The following MYO7B variants were observed in gnomAD, a reference collection of about 807,000 sequenced individuals.
MYO7B encodes the protein myosin VIIB.
Under a neutral mutation model 259.7 loss-of-function variants are expected in MYO7B, and 212 were observed. That is an observed-to-expected ratio of 0.82 (90% CI 0.73 to 0.91). The LOEUF is 0.91. MYO7B is among the 40% of genes least tolerant of loss of function. MYO7B has a pLI of 0.00. For missense variants in MYO7B, 2,732 were observed against 2,813.5 expected (o/e 0.97, Z 0.66); for synonymous variants, 1,197 against 1,166.4 (o/e 1.03, Z -0.54).
intron 35 of MYO7B, among the ~76,000 whole-genome samples, chr2:127,630,093 C>T (rs908143414): frequency 6.6e-6 from 1 of 152,228 alleles, no homozygotes; most frequent in Non-Finnish European, 1.5e-5. Context: ...CAATCTTTCT[C>T]TGCCTCATTT....
rs754954863 is a variant in MYO7B, at chr2:127,625,588, G to T, written c.4215+53G>T. On this transcript the variant is annotated intron_variant, in intron 31 of 47. Transcript: ENST00000409816. ...ACCCGAGGGCTCTCCTTTGGGAGGT[G>T]GGGGGGCTCATGGTATACAGAGGAG... is the stretch of plus-strand genomic sequence containing the variant. 74 of 1,502,746 alleles carry T rather than the reference G, an allele frequency of 4.9e-5. No homozygotes were observed. In the Middle Eastern group the frequency reaches 8.6e-4, roughly 17 times the overall value. 93.1% of individuals were successfully genotyped at this position (1,502,746 alleles called of 1,614,324 possible). A position where few individuals can be genotyped will look rare whatever the true frequency, so the allele number is the denominator to read the frequency against.
chr2:127,582,397 G>T lies in MYO7B; in HGVS notation c.1294G>T (p.Ala432Ser). 1 of 1,613,388 alleles carries T rather than the reference G, an allele frequency of 6.2e-7. No homozygotes were observed. The highest frequency in any genetic ancestry group is 8.5e-7 in the Non-Finnish European group (1 of 1,179,694). Residue 432 changes from alanine to serine, a missense_variant, in exon 12 of 48, where the codon GCC (alanine) becomes TCC (serine). This residue lies in a region of MYO7B where 1,906 missense variants were observed against 2,026.4 expected (regional missense o/e 0.94). Coordinates refer to ENST00000409816, the MANE Select transcript of MYO7B (RefSeq NM_001393586.1). ...CCAGGACCCCAAAAATGTGCGGAGG[G>T]CCATCGGCCTCCTGGACATATTTGG... The part of the protein sequence containing the change: ...PAQDPKNVRR[A>S]IGLLDIFGFE...
At chr2:127,621,875 G>T in intron 27 of MYO7B, 107 bp from the exon 28 acceptor site, 1 of 1,498,466 alleles carries the variant, frequency 6.7e-7, no homozygotes, top group Non-Finnish European at 9.1e-7. Context: ...GCCCCTCAAT[G>T]CACATTATAC....
chr2:127,588,580 G>T, intron 15 of MYO7B, 25 bp downstream of exon 15: 2 of 1,612,068 alleles, frequency 1.2e-6, no homozygotes, highest in Non-Finnish European at 1.7e-6. Flanking sequence ...ACCCTCCTGG[G>T]TCTGTCACCC....
At position 127,607,386 on chromosome 2, in the gene MYO7B, A is replaced by T; in HGVS notation, c.2605A>T (p.Met869Leu). The T allele has an allele frequency of 6.4e-7, 1 of 1,551,296 alleles. No individual in the cohort carries two copies. The highest frequency in any genetic ancestry group is 8.7e-7 in the Non-Finnish European group (1 of 1,146,850). Residue 869 changes from methionine to leucine, a missense_variant, in exon 21 of 48, where the codon ATG (methionine) becomes TTG (leucine). Physicochemically the swap from Met to Leu is conservative, Grantham distance 15. Transcript: ENST00000409816. The surrounding 1 kb of genome is among the most constrained non-coding windows in gnomAD (Gnocchi z 4.4). ...GGTCATTCAGGCCCATGCCAGGGGC[A>T]TGGCTGCCCGGCGCAACTTCCAGCA... ...VVVIQAHARGMAARRNFQQRK... is the reference protein window; with the variant it reads ...VVVIQAHARGLAARRNFQQRK...
chr2:127,592,721 G>T, intron 16 of MYO7B, 73 bp from the exon 17 acceptor site: 1 of 1,539,356 alleles, frequency 6.5e-7, no homozygotes, highest in Non-Finnish European at 8.8e-7. Flanking sequence ...CGTGCCCGGT[G>T]GTGGGGTGCC....
At chr2:127,571,641 C>T (rs1228849894) in intron 6 of MYO7B, among the ~76,000 whole-genome samples, 2 of 151,558 alleles carry the variant, frequency 1.3e-5, no homozygotes, top group Non-Finnish European at 2.9e-5. Context: ...CCACCACGCC[C>T]AGTTAATTTT....
chr2:127,608,669 G>A (rs536860705), intron 21 of MYO7B, 39 bp from the exon 22 acceptor site: 3 of 1,587,108 alleles, frequency 1.9e-6, no homozygotes, highest in Admixed American at 3.4e-5. Flanking sequence ...CCTGAGCCCT[G>A]CTGGGCCCCT....
In MYO7B at chr2:127,584,394, C is replaced by G; in HGVS notation, c.1554+62C>G. 1 of 1,547,314 alleles carries G rather than the reference C, an allele frequency of 6.5e-7. No individual in the cohort carries two copies. The highest frequency in any genetic ancestry group is 8.9e-7 in the Non-Finnish European group (1 of 1,126,338). The stretch of plus-strand genomic sequence containing the variant: ...CCTGCTATGGGTCTCCTCTTGGAGG[C>G]TGGGAAACTCCATTTGGGTGGGCCA... On this transcript the variant is annotated intron_variant, in intron 13 of 47. Transcript: ENST00000409816. This position sits in a 1 kb window ranked among gnomAD's most constrained non-coding sequence, Gnocchi z 5.8.
chr2:127,628,157 G>T lies in MYO7B; in HGVS notation c.4461-215G>T. The T allele has an allele frequency of 1.4e-6, 1 of 691,702 alleles. No homozygotes were observed. Among genetic ancestry groups the T allele is most frequent in the Non-Finnish European group, 2.6e-6 (1 of 381,844 alleles). 42.8% of individuals were successfully genotyped at this position (691,702 alleles called of 1,614,324 possible). A position where few individuals can be genotyped will look rare whatever the true frequency, so the allele number is the denominator to read the frequency against. On this transcript the variant is annotated intron_variant, in intron 33 of 47. Coordinates refer to ENST00000409816, the MANE Select transcript of MYO7B (RefSeq NM_001393586.1). The surrounding 1 kb of genome is among the most constrained non-coding windows in gnomAD (Gnocchi z 4.8). ...TGCCCACAGCCAACCCCACACATGG[G>T]CTGCACCACTCTCAGCCTCCGAGAG...
chr2:127,623,363 C>A lies in MYO7B; in HGVS notation c.3807C>A (p.Ala1269=), dbSNP rs909008046. 1 of 1,592,578 alleles carries A rather than the reference C, an allele frequency of 6.3e-7. No individual in the cohort carries two copies. The highest frequency in any genetic ancestry group is 1.7e-5 in the Admixed American group (1 of 58,570). ...ACCTGGGCTTCTCCCTCCAGGTCGC[C>A]GTGTACGACAAGGTACCAGCCAGGC... ...SDHLGFSLQV[A]VYDKFWSLGS... The change falls in exon 29 of 48, where the codon GCC becomes GCA. Residue 1269 remains alanine (A), a synonymous_variant. Coordinates refer to ENST00000409816, the MANE Select transcript of MYO7B (RefSeq NM_001393586.1).
At chr2:127,604,483 T>C (rs994903607) in intron 19 of MYO7B, among the ~76,000 whole-genome samples, 1 of 152,228 alleles carries the variant, frequency 6.6e-6, no homozygotes, top group African/African-American at 2.4e-5. Flanking sequence ...CACTTTCTCA[T>C]CATTCATGTG....
In MYO7B at chr2:127,629,722, A is replaced by T. The variant is rs1681358078; in HGVS notation, c.4702A>T (p.Asn1568Tyr). The T allele has an allele frequency of 6.2e-7, 1 of 1,612,240 alleles. No homozygotes were observed. The highest frequency in any genetic ancestry group is 8.5e-7 in the Non-Finnish European group (1 of 1,179,500). Residue 1568 changes from asparagine to tyrosine, a missense_variant, in exon 35 of 48, where the codon AAC becomes TAC. By Grantham distance (143) the Asn-to-Tyr change is moderately radical. Transcript: ENST00000409816. ...TKKQGLLASENWTLGQNDRTG... is the reference protein window; with the variant it reads ...TKKQGLLASEYWTLGQNDRTG... ...GAAGCAGGGGCTGCTGGCCTCTGAG[A>T]ACTGGACCCTCGGCCAGAACGACAG...
chr2:127,587,971 A>T (rs529091390), intron 14 of MYO7B, among the ~76,000 whole-genome samples: 1 of 152,200 alleles, frequency 6.6e-6, no homozygotes, highest in Non-Finnish European at 1.5e-5. Flanking sequence ...GTCCACACAC[A>T]GTCATGTTCT....
chr2:127,594,133 C>T lies in MYO7B; in HGVS notation c.2244+489C>T, dbSNP rs1042527933. 5.3e-5 allele frequency among the ~76,000 whole-genome samples: 8 copies of T among 152,226 alleles called. No individual in the cohort carries two copies. The East Asian group carries it at 1.3e-3, about 26-fold the overall frequency. ...TCTCCACAAAGCGACTTGTCCTTAGCGGGGCTTGTGCGAGCCTCACCACCA... is the reference window on the plus strand; with the variant it reads ...TCTCCACAAAGCGACTTGTCCTTAGTGGGGCTTGTGCGAGCCTCACCACCA... On this transcript the variant is annotated intron_variant, in intron 18 of 47. Transcript: ENST00000409816.
chr2:127,634,467 T>C (rs1472701611), intron 41 of MYO7B, 129 bp from the exon 42 acceptor site: 1 of 906,352 alleles, frequency 1.1e-6, no homozygotes, highest in African/African-American at 1.7e-5. Flanking sequence ...CACACGCCAA[T>C]AGCCCACGCA....
chr2:127,562,876 T>G (rs1200371391), intron 2 of MYO7B, among the ~76,000 whole-genome samples: 2 of 152,238 alleles, frequency 1.3e-5, no homozygotes, highest in Non-Finnish European at 2.9e-5. Context: ...CCCAAAGTGC[T>G]GGGATTACAG....
chr2:127,624,716 T>C (rs1681019213), intron 30 of MYO7B, among the ~76,000 whole-genome samples: 1 of 152,196 alleles, frequency 6.6e-6, no homozygotes, highest in Non-Finnish European at 1.5e-5. Flanking sequence ...TGGGCCCTCA[T>C]CTGACTGGGG....
At chr2:127,579,085 G>C (rs1056272213) in intron 9 of MYO7B, among the ~76,000 whole-genome samples, 1 of 152,202 alleles carries the variant, frequency 6.6e-6, no homozygotes, top group Admixed American at 6.5e-5. Context: ...GAATGTGTGA[G>C]CTGGAGGGAA....
Sources: allele counts gnomAD v4.1 joint callset (sites outside exome capture counted in the v4.1 genomes callset), GRCh38; gene constraint gnomAD v4.1.1; regional missense constraint gnomAD v4.1.1; non-coding constraint Gnocchi (gnomAD v3.1); transcripts MANE v1.5; gene names NCBI Gene and HGNC (gene_info 2026-07-23, HGNC 2026-07-21).